SH3D19: variants seen among roughly 807,000 people sequenced by gnomAD.
SH3D19 encodes the protein SH3 domain-containing protein 19.
SH3D19 carries 58 observed loss-of-function variants against 112.1 expected under a neutral mutation model. The ratio of observed to expected loss-of-function variants is 0.52; its 90% CI spans 0.42 to 0.64. The LOEUF (loss-of-function observed/expected upper bound fraction) is 0.64. SH3D19 is among the 30% of genes least tolerant of loss of function. The pLI, the probability that SH3D19 is intolerant of heterozygous loss-of-function variation, is 0.00. For missense variants in SH3D19, 1,090 were observed against 1,263.4 expected, an observed-to-expected ratio of 0.86 and a Z score of 2.08; for synonymous variants, 391 against 448.5, an observed-to-expected ratio of 0.87 and a Z score of 1.62.
chr4:151,162,599 T>C (rs887067705), intron 8 of SH3D19, among the ~76,000 whole-genome samples: 8 of 85,652 alleles, frequency 9.3e-5, no homozygotes, highest in African/African-American at 6.5e-4. Flanking sequence ...GATTGGTCCC[T>C]TTTTTTTTTT....
intron 9 of SH3D19, among the ~76,000 whole-genome samples, chr4:151,158,455 A>G (rs1220006716): frequency 3.3e-5 from 5 of 152,042 alleles, no homozygotes; most frequent in Non-Finnish European, 7.4e-5. Context: ...ACACGACACC[A>G]CGTCCGGCTA....
In SH3D19 at chr4:151,121,467, C is replaced by A. The variant is rs755543058; in HGVS notation, c.*624G>T. On this transcript the variant is annotated 3_prime_UTR_variant, in exon 20 of 20. Coordinates refer to ENST00000604030, the MANE Select transcript of SH3D19 (RefSeq NM_001378122.1). ...AGATACATCCAATTTAGACCCCCTT[C>A]AAATCCTTAGACAAATGGGAATCAC... is the stretch of plus-strand genomic sequence containing the variant. 6.6e-6 allele frequency: 1 copy of A among 152,534 alleles called. No individual in the cohort carries two copies. The highest frequency in any genetic ancestry group is 1.5e-5 in the Non-Finnish European group (1 of 68,038). The allele number at this position is 152,534 out of a possible 1,614,324, so 9.4% of individuals were successfully genotyped here.
chr4:151,246,012 T>C (rs1770917771), intron 1 of SH3D19, among the ~76,000 whole-genome samples: 1 of 149,276 alleles, frequency 6.7e-6, no homozygotes, highest in South Asian at 2.1e-4. Context: ...TGGAAAGATA[T>C]ATGACTTTAT....
chr4:151,154,970 C>T lies in SH3D19; in HGVS notation c.1755+4270G>A, dbSNP rs144569249. 7.2e-4 allele frequency among the ~76,000 whole-genome samples: 110 copies of T among 152,184 alleles called. 2 individuals are homozygous for T. The East Asian group carries it at 0.021, about 29-fold the overall frequency. On this transcript the variant is annotated intron_variant, in intron 9 of 19. Coordinates refer to ENST00000604030, the MANE Select transcript of SH3D19 (RefSeq NM_001378122.1). ...ATGAGGTTTCACCATGTTGGCCAGA[C>T]TGATCTCAAACTCCTGATCTCAAGT... is the stretch of plus-strand genomic sequence containing the variant.
chr4:151,274,791 G>A (rs1011338923), intron 1 of SH3D19, among the ~76,000 whole-genome samples: 1 of 152,130 alleles, frequency 6.6e-6, no homozygotes, highest in Non-Finnish European at 1.5e-5. Flanking sequence ...TTAACCAACA[G>A]AAATTTATTT....
At chr4:151,165,520 T>C in intron 8 of SH3D19, 69 bp downstream of exon 8, 4 of 1,202,132 alleles carry the variant, frequency 3.3e-6, no homozygotes, top group Middle Eastern at 1.9e-4. Flanking sequence ...AAAGCAGACA[T>C]TGATAAATTA....
rs187836491 is a variant in SH3D19 at position 151,323,145 on chromosome 4, A to G, written c.112+2096T>C. Among the ~76,000 whole-genome samples the G allele has an allele frequency of 2.6e-3, 390 of 152,310 alleles. 1 individual carries two copies. The highest frequency in any genetic ancestry group is 8.7e-3 in the African/African-American group (363 of 41,566). ...GTTACAAAAATAAATAAATGCACTT[A>G]CACAACCACTCCAAAATTTATCAGG... On this transcript the variant is annotated intron_variant, in intron 1 of 19. Coordinates refer to ENST00000604030, the MANE Select transcript of SH3D19 (RefSeq NM_001378122.1).
At position 151,120,397 on chromosome 4, in the gene SH3D19, T is replaced by C. The variant is rs1017198684; in HGVS notation, c.*1694A>G. ...GATTGAGATTTTCCTCTAATAAAGA[T>C]AGGTTTTCAGAATCTTCAATATAAG... is the stretch of plus-strand genomic sequence containing the variant. On this transcript the variant is annotated 3_prime_UTR_variant, in exon 20 of 20. Transcript: ENST00000604030. 1.3e-5 allele frequency: 2 copies of C among 152,572 alleles called. No homozygotes were observed. The highest frequency in any genetic ancestry group is 4.8e-5 in the African/African-American group (2 of 41,442). The allele number at this position is 152,572 out of a possible 1,614,324, so 9.5% of individuals were successfully genotyped here.
At chr4:151,130,895 G>A (rs796528669) in intron 17 of SH3D19, among the ~76,000 whole-genome samples, 10 of 151,570 alleles carry the variant, frequency 6.6e-5, no homozygotes, top group African/African-American at 7.3e-5. Context: ...AGCCAAGACT[G>A]CGCCACTGCA....
chr4:151,282,336 T>G, intron 1 of SH3D19: 1 of 1,613,940 alleles, frequency 6.2e-7, no homozygotes, highest in Non-Finnish European at 8.5e-7. Context: ...CCTATTTGCT[T>G]GCCCAGTGTC....
At chr4:151,271,940 G>T (rs952180659) in intron 1 of SH3D19, among the ~76,000 whole-genome samples, 2 of 152,062 alleles carry the variant, frequency 1.3e-5, no homozygotes, top group Admixed American at 6.6e-5. Flanking sequence ...ATGGCATAGG[G>T]TAATAATCTG....
chr4:151,219,582 G>C (rs986186468), intron 2 of SH3D19, among the ~76,000 whole-genome samples: 8 of 152,196 alleles, frequency 5.3e-5, no homozygotes, highest in African/African-American at 1.9e-4. Flanking sequence ...TACCATGTTA[G>C]TGCACATCTT....
intron 1 of SH3D19, among the ~76,000 whole-genome samples, chr4:151,317,642 T>A (rs1396956387): frequency 6.6e-6 from 1 of 152,212 alleles, no homozygotes; most frequent in Non-Finnish European, 1.5e-5. Context: ...CATAATTGCT[T>A]ATGTCACAAT....
chr4:151,154,965 C>A (rs1281240427), intron 9 of SH3D19, among the ~76,000 whole-genome samples: 1 of 151,950 alleles, frequency 6.6e-6, no homozygotes, highest in East Asian at 1.9e-4. Context: ...ACCATGTTGG[C>A]CAGACTGATC....
intron 1 of SH3D19, among the ~76,000 whole-genome samples, chr4:151,258,422 T>A (rs2149985679): frequency 6.6e-6 from 1 of 152,322 alleles, no homozygotes; most frequent in South Asian, 2.1e-4. Context: ...CTCCATTGGT[T>A]CACCTTTGGT....
At chr4:151,301,362 G>A (rs564450425) in intron 1 of SH3D19, among the ~76,000 whole-genome samples, 27 of 152,278 alleles carry the variant, frequency 1.8e-4, no homozygotes, top group Non-Finnish European at 2.8e-4. Flanking sequence ...TGAGTAGCTG[G>A]GATTACAGAC....
At chr4:151,240,047 T>C (rs2149966467) in intron 1 of SH3D19, among the ~76,000 whole-genome samples, 1 of 152,200 alleles carries the variant, frequency 6.6e-6, no homozygotes, top group East Asian at 1.9e-4. Flanking sequence ...GGAGGATTGC[T>C]TGAGGCTAGG....
rs150121422 is a variant in SH3D19, at chr4:151,321,841, G to T, written c.112+3400C>A. ...AGGCCTTCAGGCAATTCAGATACAT[G>T]TGGCAAAAGTTTGAGAACCACTGGA... is the stretch of plus-strand genomic sequence containing the variant. On this transcript the variant is annotated intron_variant, in intron 1 of 19. Transcript: ENST00000604030. 4.5e-4 allele frequency among the ~76,000 whole-genome samples: 69 copies of T among 152,306 alleles called. No individual in the cohort carries two copies. The East Asian group carries it at 0.013, about 29-fold the overall frequency.
chr4:151,224,387 T>C (rs902585326), intron 2 of SH3D19, among the ~76,000 whole-genome samples: 3 of 152,180 alleles, frequency 2.0e-5, no homozygotes, highest in Non-Finnish European at 4.4e-5. Flanking sequence ...ATCAAATCGG[T>C]GCAGACTTTT....
Sources: gnomAD v4.1 joint callset for allele counts (sites outside exome capture counted in the v4.1 genomes callset) on GRCh38, gnomAD v4.1.1 for gene constraint, MANE v1.5 for transcripts, NCBI Gene and HGNC (gene_info 2026-07-23, HGNC 2026-07-21) for gene names.